Variants in FBXW5 observed in about 807,000 individuals in gnomAD.
FBXW5 encodes F-box/WD repeat-containing protein 5.
A neutral mutation model predicts 50.9 loss-of-function variants in FBXW5; 74 were observed. The observed-to-expected ratio is 1.45, with a 90% CI of 1.20 to 1.76. The LOEUF (loss-of-function observed/expected upper bound fraction) is 1.76. Among genes scored for constraint, FBXW5 ranks in the 40% most tolerant of loss-of-function variants. The pLI, the probability that FBXW5 is intolerant of heterozygous loss-of-function variation, is 0.00. For missense variants in FBXW5, 1,073 were observed against 818.8 expected (o/e 1.31, Z -3.79); for synonymous variants, 523 against 362.2 (o/e 1.44, Z -5.04).
intron 3 of FBXW5, 43 bp from the exon 4 acceptor site, chr9:136,942,986 C>T (rs569028461): frequency 2.5e-5 from 40 of 1,607,234 alleles, no homozygotes; most frequent in South Asian, 2.1e-4. Flanking sequence ...GGCCAGGTCG[C>T]GGGGCGGGGG....
rs1850720602 is a variant in FBXW5, at chr9:136,940,808, T to C, written c.*120A>G. On this transcript the variant is annotated 3_prime_UTR_variant, in exon 9 of 9. Transcript: ENST00000325285. ...TGTGTGAGCGTGTGGCGGGGCCTGG[T>C]TGTCCCCTTCCTAAGGCGTAACTGC... The C allele has an allele frequency of 2.9e-6, 4 of 1,399,010 alleles. No homozygotes were observed. The highest frequency in any genetic ancestry group is 2.6e-4 in the Middle Eastern group (1 of 3,892). The allele number at this position is 1,399,010 out of a possible 1,614,324, so 86.7% of individuals were successfully genotyped here.
chr9:136,943,833 C>T (rs1006870603), intron 2 of FBXW5, 58 bp downstream of exon 2: 7 of 1,520,476 alleles, frequency 4.6e-6, no homozygotes, highest in East Asian at 2.5e-5. Context: ...GACCCCCAAG[C>T]GCAGGGGCCC....
Position 136,940,915 on chromosome 9 carries a change from C to A in FBXW5, c.*13G>T. 6.3e-7 allele frequency: 1 copy of A among 1,575,616 alleles called. No individual in the cohort carries two copies. On this transcript the variant is annotated 3_prime_UTR_variant, in exon 9 of 9. Transcript: ENST00000325285. ...TCAAGGGGTCCCGGTGGCTCCAGTG[C>A]ACCCAGCACACCTCAGCGCCTCTGG...
intron 1 of FBXW5, 146 bp from the exon 2 acceptor site, chr9:136,944,252 C>G (rs1229526462): frequency 9.6e-6 from 9 of 936,340 alleles, no homozygotes; most frequent in Admixed American, 7.4e-5. Flanking sequence ...GCCGCCCAAC[C>G]AAGGACCCGG....
chr9:136,941,370 C>A lies in FBXW5; in HGVS notation c.1338G>T (p.Leu446=). 1 of 1,611,750 alleles carries A rather than the reference C, an allele frequency of 6.2e-7. No individual in the cohort carries two copies. The highest frequency in any genetic ancestry group is 8.5e-7 in the Non-Finnish European group (1 of 1,179,900). Residue 446 remains leucine, a synonymous_variant, in exon 8 of 9, where the codon CTG becomes CTT. Transcript: ENST00000325285. ...CCCGCATGGTCTTGAGGTCGAACAC[C>A]AGCAGGTCAATCTCCTCCGCGATTG... is the stretch of plus-strand genomic sequence containing the variant. The part of the protein sequence containing the change: ...PPPIAEEIDL[L]VFDLKTMREV...
In FBXW5 at chr9:136,942,329, G is replaced by A. The variant is rs1334553962; in HGVS notation, c.813C>T (p.Asp271=). The change falls in exon 6 of 9, where the codon GAC becomes GAT. Residue 271 remains aspartate, a synonymous_variant. Coordinates refer to ENST00000325285, the MANE Select transcript of FBXW5 (RefSeq NM_018998.4). Reference sequence around the variant, plus strand: ...AGATGCGGCAGGGGGACGTGGCCGGGTCACCGGCTTCCAGCAGCAGGTCAG... The same window carrying A: ...AGATGCGGCAGGGGGACGTGGCCGGATCACCGGCTTCCAGCAGCAGGTCAG... The part of the protein sequence containing the change: ...DSPDLLLEAG[D]PATSPCRIFD... 1.6e-5 allele frequency: 25 copies of A among 1,601,136 alleles called. No individual in the cohort carries two copies. The highest frequency in any genetic ancestry group is 2.1e-5 in the Non-Finnish European group (25 of 1,174,918).
intron 6 of FBXW5, 145 bp downstream of exon 6, chr9:136,941,901 C>T: frequency 1.4e-6 from 2 of 1,438,066 alleles, no homozygotes; most frequent in Non-Finnish European, 1.8e-6. Context: ...CCCACAGGCC[C>T]CAGGTCTGGG....
chr9:136,944,061 A>C lies in FBXW5; in HGVS notation c.23T>G (p.Leu8Arg), dbSNP rs138879928. 3.2e-5 allele frequency: 52 copies of C among 1,600,934 alleles called. No individual in the cohort carries two copies. The African/African-American group carries it at 6.7e-4, about 21-fold the overall frequency. MDEGGTPLLPDSLVYQIF... is the reference protein window; with the variant it reads MDEGGTPRLPDSLVYQIF... ...CTGGTAGACCAGGCTGTCGGGGAGC[A>C]GGGGCGTGCCGCCCTCGTCCATCGT... Residue 8 changes from leucine (L) to arginine (R), a missense_variant, in exon 2 of 9, where the codon CTG (leucine) becomes CGG (arginine). Leu to Arg is a moderately radical substitution (Grantham distance 102, BLOSUM62 -2). Coordinates refer to ENST00000325285, the MANE Select transcript of FBXW5 (RefSeq NM_018998.4).
intron 8 of FBXW5, 24 bp from the exon 9 acceptor site, chr9:136,941,195 C>T: frequency 6.3e-7 from 1 of 1,596,946 alleles, no homozygotes. Context: ...CCTGGGTGAG[C>T]CGGCCGCCCG....
Position 136,940,769 on chromosome 9 carries a change from C to T in FBXW5, c.*159G>A, listed in dbSNP as rs1014450084. ...CACCCCGTGCCAAGCATCACAGCTG[C>T]GTGAGCAGGTTTGTGTGTGAGCGTG... On this transcript the variant is annotated 3_prime_UTR_variant, in exon 9 of 9. Coordinates refer to ENST00000325285, the MANE Select transcript of FBXW5 (RefSeq NM_018998.4). 31 of 1,196,290 alleles carry T rather than the reference C, an allele frequency of 2.6e-5. No homozygotes were observed. The highest frequency in any genetic ancestry group is 2.9e-4 in the Middle Eastern group (1 of 3,466). The allele number at this position is 1,196,290 out of a possible 1,614,324, so 74.1% of individuals were successfully genotyped here. A position where few individuals can be genotyped will look rare whatever the true frequency, so the allele number is the denominator to read the frequency against.
intron 2 of FBXW5, 64 bp downstream of exon 2, chr9:136,943,827 C>T: frequency 6.6e-7 from 1 of 1,511,130 alleles, no homozygotes; most frequent in Non-Finnish European, 8.9e-7. Context: ...CAGGCTGACC[C>T]CCAAGCGCAG....
At chr9:136,944,467 A>G (rs1850955076) in intron 1 of FBXW5, 127 bp downstream of exon 1, 5 of 976,228 alleles carry the variant, frequency 5.1e-6, no homozygotes, top group Non-Finnish European at 6.1e-6. Context: ...GCCCTGGAGC[A>G]GCTCTGCCCG....
At position 136,944,687 on chromosome 9, in the gene FBXW5, C is replaced by G; in HGVS notation, c.-117G>C. 1.0e-6 allele frequency: 1 copy of G among 985,778 alleles called. No homozygotes were observed. Among genetic ancestry groups the G allele is most frequent in the East Asian group, 1.1e-4 (1 of 8,820 alleles). 61.1% of individuals were successfully genotyped at this position (985,778 alleles called of 1,614,324 possible). ...CGCTCGGACCGCCGCCCCCGCCCAA[C>G]GGGGAGCCCGCCAGGCCCGACGCCA... On this transcript the variant is annotated 5_prime_UTR_variant, in exon 1 of 9. Transcript: ENST00000325285.
chr9:136,941,721 G>A (rs907708529), intron 6 of FBXW5, 37 bp from the exon 7 acceptor site: 7 of 1,535,088 alleles, frequency 4.6e-6, no homozygotes, highest in Middle Eastern at 1.7e-4. Flanking sequence ...CCTGTCCAAT[G>A]CCCCAAGGAC....
chr9:136,941,707 G>A (rs543240263), intron 6 of FBXW5, 23 bp from the exon 7 acceptor site: 3 of 1,544,482 alleles, frequency 1.9e-6, no homozygotes, highest in Middle Eastern at 1.7e-4. Flanking sequence ...CTACGGTGAG[G>A]GTCCCTGTCC....
chr9:136,943,794 G>C (rs912003538), intron 2 of FBXW5, 97 bp downstream of exon 2: 10 of 1,344,756 alleles, frequency 7.4e-6, no homozygotes, highest in Non-Finnish European at 1.0e-5. Context: ...TGGACACGCG[G>C]GGCCGCGGGG....
intron 2 of FBXW5, 92 bp from the exon 3 acceptor site, chr9:136,943,598 C>T (rs1850895158): frequency 3.4e-6 from 5 of 1,481,138 alleles, no homozygotes; most frequent in South Asian, 2.6e-5. Context: ...TGGCAGGCCC[C>T]GTGGTGCCCC....
Position 136,942,769 on chromosome 9 carries a change from C to T in FBXW5, c.526G>A (p.Asp176Asn). The change falls in exon 4 of 9, where the codon GAC becomes AAC. Residue 176 changes from aspartate to asparagine, a missense_variant and splice_region_variant. By Grantham distance (23) the Asp-to-Asn change is conservative. Coordinates refer to ENST00000325285, the MANE Select transcript of FBXW5 (RefSeq NM_018998.4). ...GGGTCAACCCGCCGCCCGTGCTCAC[C>T]TAGGCTGATGACAGCAATCTCGCCG... ...SSGEIAVISL[D>N]SFALLSRVRN... 6.2e-7 allele frequency: 1 copy of T among 1,612,604 alleles called. No homozygotes were observed. Among genetic ancestry groups the T allele is most frequent in the Non-Finnish European group, 8.5e-7 (1 of 1,179,856 alleles).
rs746931058 is a variant in FBXW5, at chr9:136,942,318, G to A, written c.824C>T (p.Ser275Phe). ...GCCCAGGTCAAAGATGCGGCAGGGG[G>A]ACGTGGCCGGGTCACCGGCTTCCAG... ...LLLEAGDPAT[S>F]PCRIFDLGSD... is the part of the protein sequence containing the mutation. Residue 275 changes from serine (S) to phenylalanine (F), a missense_variant, in exon 6 of 9, where the codon TCC becomes TTC. Transcript: ENST00000325285. 3.7e-5 allele frequency: 59 copies of A among 1,598,860 alleles called. No homozygotes were observed. The highest frequency in any genetic ancestry group is 1.0e-4 in the Admixed American group (6 of 57,586).
Sources: gnomAD v4.1 joint callset for allele counts on GRCh38, gnomAD v4.1.1 for gene constraint, MANE v1.5 for transcripts, NCBI Gene and HGNC (gene_info 2026-07-23, HGNC 2026-07-21) for gene names.